The following STAB2 variants were observed in gnomAD, a reference collection of about 807,000 sequenced individuals.
The protein encoded by STAB2 is stabilin 2.
In STAB2, 288 loss-of-function variants were observed where a neutral mutation model predicts 338.1. That is an observed-to-expected ratio of 0.85 (90% CI 0.77 to 0.94). The LOEUF is 0.94. Among genes scored for constraint, STAB2 ranks in the 40% least tolerant of loss-of-function variants. The pLI is 0.00. For synonymous variants in STAB2, 1,202 were observed against 1,193.3 expected (o/e 1.01, Z -0.15); for missense variants, 3,141 against 3,210.1 (o/e 0.98, Z 0.52).
At chr12:103,677,715 T>C in intron 25 of STAB2, 104 bp downstream of exon 25, 1 of 1,405,604 alleles carries the variant, frequency 7.1e-7, no homozygotes, top group East Asian at 2.4e-5. Context: ...ACTGCAGCTT[T>C]TTTCAGTCAT....
At chr12:103,723,066 G>A (rs1468627283) in intron 44 of STAB2, among the ~76,000 whole-genome samples, 1 of 152,220 alleles carries the variant, frequency 6.6e-6, no homozygotes, top group Non-Finnish European at 1.5e-5. Flanking sequence ...TCAGGATGGG[G>A]AGATGAGGTG....
In STAB2 at chr12:103,695,793, A is replaced by G. The variant is rs143622474; in HGVS notation, c.3531A>G (p.Pro1177=). The G allele has an allele frequency of 2.9e-4, 473 of 1,614,210 alleles. 5 individuals carry two copies. In the African/African-American group the frequency reaches 5.5e-3, roughly 19 times the overall value. The change falls in exon 33 of 69, where the codon CCA becomes CCG. Residue 1177 remains proline (P), a synonymous_variant. Transcript: ENST00000388887. ...EAADAYTVFA[P]NNNAIENYIR... ...CCGATGCCTACACAGTGTTTGCTCC[A>G]AACAACAATGCCATCGAGAATTACA...
intron 67 of STAB2, 36 bp from the exon 68 acceptor site, chr12:103,763,456 G>C (rs1057892): frequency 0.11 from 177,808 of 1,598,150 alleles, 12,016 homozygotes; most frequent in East Asian, 0.31. Context: ...CTGCTTTGGG[G>C]ATGCTCCTGG....
Position 103,749,163 on chromosome 12 carries a change from C to G in STAB2, c.6438+7C>G. ...CTGTAAGATGACAGGCCCGGTGAGTCGCTCTTTCCCAGGGAAATTTGGGAG... is the reference window on the plus strand; with the variant it reads ...CTGTAAGATGACAGGCCCGGTGAGTGGCTCTTTCCCAGGGAAATTTGGGAG... On this transcript the variant is annotated splice_region_variant and intron_variant, in intron 59 of 68. Transcript: ENST00000388887. 1.3e-6 allele frequency: 2 copies of G among 1,587,084 alleles called. No homozygotes were observed. The highest frequency in any genetic ancestry group is 1.7e-6 in the Non-Finnish European group (2 of 1,161,264).
At chr12:103,692,647 GAGA>G (rs764548667) in intron 30 of STAB2, among the ~76,000 whole-genome samples, 162 bp from the exon 31 acceptor site, 128 of 152,184 alleles carry the variant, frequency 8.4e-4, no homozygotes, top group Non-Finnish European at 1.4e-3. Flanking sequence ...GAGAGAGAGA[GAGA>G]GGGGTCTATG....
intron 3 of STAB2, among the ~76,000 whole-genome samples, chr12:103,614,014 T>C (rs1957170494): frequency 6.6e-6 from 1 of 152,250 alleles, no homozygotes; most frequent in Admixed American, 6.5e-5. Context: ...TGCTTATTTC[T>C]CTACCTTCTT....
chr12:103,674,070 C>T lies in STAB2; in HGVS notation c.2535C>T (p.Tyr845=), dbSNP rs1226537172. The T allele has an allele frequency of 6.2e-7, 1 of 1,611,600 alleles. No individual in the cohort carries two copies. Among genetic ancestry groups the T allele is most frequent in the South Asian group, 1.1e-5 (1 of 91,030 alleles). The change falls in exon 23 of 69, where the codon TAC becomes TAT. Residue 845 remains tyrosine, a synonymous_variant. Transcript: ENST00000388887. ...QFCHIHATCE[Y]SNGTASCICK... is the part of the protein sequence containing the mutation. ...GTCACATCCACGCCACCTGTGAATACAGCAATGGGACAGCCAGGTAGGTCT... is the reference window on the plus strand; with the variant it reads ...GTCACATCCACGCCACCTGTGAATATAGCAATGGGACAGCCAGGTAGGTCT...
Position 103,708,537 on chromosome 12 carries a change from G to A in STAB2, c.4288+1G>A. On this transcript the variant is annotated splice_donor_variant, in intron 39 of 68. Transcript: ENST00000388887. LOFTEE classifies it high-confidence loss of function. ...TGGCGAGGAGTGCATTGTGACAATG[G>A]TAAGAGTGAGGCCTCCAGTATTTAT... The A allele has an allele frequency of 6.2e-7, 1 of 1,613,818 alleles. No homozygotes were observed. Among genetic ancestry groups the A allele is most frequent in the Non-Finnish European group, 8.5e-7 (1 of 1,179,726 alleles).
chr12:103,631,817 G>T, intron 6 of STAB2, 124 bp downstream of exon 6: 1 of 787,396 alleles, frequency 1.3e-6, no homozygotes, highest in East Asian at 2.6e-5. Flanking sequence ...TTTCTGGAAA[G>T]AAACTAGAAA....
intron 5 of STAB2, among the ~76,000 whole-genome samples, chr12:103,631,271 A>G (rs1223464447): frequency 6.6e-6 from 1 of 152,204 alleles, no homozygotes; most frequent in Admixed American, 6.5e-5. Context: ...GGTGTATATA[A>G]GACACTAAAT....
chr12:103,648,667 A>G (rs745558037), intron 9 of STAB2, 23 bp from the exon 10 acceptor site: 5 of 1,610,710 alleles, frequency 3.1e-6, no homozygotes, highest in Non-Finnish European at 4.2e-6. Context: ...AACCCTGAGG[A>G]TGTCTTTTCC....
rs1298388654 is a variant in STAB2 at position 103,594,522 on chromosome 12, A to G, written c.331+12A>G. ...CCCAGACTGTATAGGTAAGTGGCAC[A>G]ATGCTTGGACTTTGAGACTTGCTTC... On this transcript the variant is annotated intron_variant, in intron 3 of 68. Transcript: ENST00000388887. The G allele has an allele frequency of 1.9e-6, 3 of 1,598,756 alleles. No homozygotes were observed. The highest frequency in any genetic ancestry group is 2.6e-6 in the Non-Finnish European group (3 of 1,166,378).
At chr12:103,720,062 C>A (rs1880636842) in intron 44 of STAB2, among the ~76,000 whole-genome samples, 1 of 152,182 alleles carries the variant, frequency 6.6e-6, no homozygotes. Context: ...GTCTGGCAAG[C>A]TCCTCAAGAG....
chr12:103,700,481 G>T (rs567162828), intron 34 of STAB2, among the ~76,000 whole-genome samples: 15 of 152,250 alleles, frequency 9.9e-5, no homozygotes, highest in African/African-American at 3.4e-4. Flanking sequence ...AAGTCTTTCT[G>T]ACTCTTGATT....
At chr12:103,650,676 T>A in intron 11 of STAB2, 98 bp downstream of exon 11, 2 of 946,750 alleles carry the variant, frequency 2.1e-6, no homozygotes, top group Non-Finnish European at 3.2e-6. Context: ...CCATTAAAAT[T>A]AAACCTACTG....
rs748167376 is a variant in STAB2, at chr12:103,675,890, C to G, written c.2553-38C>G. 1.9e-6 allele frequency: 3 copies of G among 1,547,308 alleles called. No individual in the cohort carries two copies. In the East Asian group the frequency reaches 6.8e-5, roughly 35 times the overall value. Reference sequence around the variant, plus strand: ...CTGGCTCTCTTCTGGGTCGTTGGTGCTTATTCTGGGGCTGATATTGCACAC... The same window carrying G: ...CTGGCTCTCTTCTGGGTCGTTGGTGGTTATTCTGGGGCTGATATTGCACAC... On this transcript the variant is annotated intron_variant, in intron 23 of 68. Coordinates refer to ENST00000388887, the MANE Select transcript of STAB2 (RefSeq NM_017564.10).
chr12:103,593,727 T>C lies in STAB2; in HGVS notation c.216-668T>C, dbSNP rs1407956693. On this transcript the variant is annotated intron_variant, in intron 2 of 68. Transcript: ENST00000388887. ...TTGAAAGAAATGGAAAGAAACAACA[T>C]TTATGAAGGATTGTCTCTAGATACA... 2.6e-5 allele frequency among the ~76,000 whole-genome samples: 4 copies of C among 152,328 alleles called. No homozygotes were observed. In the East Asian group the frequency reaches 7.7e-4, roughly 29 times the overall value.
chr12:103,693,490 G>T (rs1311853439), intron 31 of STAB2, among the ~76,000 whole-genome samples: 1 of 148,898 alleles, frequency 6.7e-6, no homozygotes, highest in Admixed American at 6.7e-5. Context: ...TGTGAAGTCT[G>T]TACAACCAGA....
chr12:103,699,356 TAA>T, intron 34 of STAB2, 129 bp downstream of exon 34: 2 of 1,210,724 alleles, frequency 1.7e-6, no homozygotes, highest in Non-Finnish European at 2.2e-6. Context: ...ACACTGCTGA[TAA>T]AGACATAGCC....
Sources: gnomAD v4.1 joint callset for allele counts (sites outside exome capture counted in the v4.1 genomes callset) on GRCh38, gnomAD v4.1.1 for gene constraint, MANE v1.5 for transcripts, NCBI Gene and HGNC (gene_info 2026-07-23, HGNC 2026-07-21) for gene names.